ZNF488: variants seen among roughly 807,000 people sequenced by gnomAD.
ZNF488 encodes zinc finger protein 488.
In ZNF488, 1 loss-of-function variant was observed where a neutral mutation model predicts 1.2. The observed-to-expected ratio is 0.86, with a 90% CI of 0.30 to 4.07. The LOEUF (loss-of-function observed/expected upper bound fraction) is 4.07, where lower values mean the gene tolerates loss of function less well. Ranked by LOEUF, ZNF488 falls within the 30% of genes most tolerant of loss-of-function variation. The pLI, the probability that ZNF488 is intolerant of heterozygous loss-of-function variation, is 0.18. For synonymous variants in ZNF488, 185 were observed against 190.1 expected (o/e 0.97, Z 0.22); for missense variants, 450 against 437.9 (o/e 1.03, Z -0.25).
At chr10:47,379,189 A>C (rs782051013) in intron 1 of ZNF488, among the ~76,000 whole-genome samples, 2 of 152,250 alleles carry the variant, frequency 1.3e-5, no homozygotes, top group African/African-American at 4.8e-5. Flanking sequence ...AAGTATCTAC[A>C]TGACAAACAA....
intron 1 of ZNF488, among the ~76,000 whole-genome samples, chr10:47,371,946 G>A (rs1423649727): frequency 6.6e-6 from 1 of 152,134 alleles, no homozygotes; most frequent in Non-Finnish European, 1.5e-5. Flanking sequence ...CCCCTCCTCT[G>A]CCAAGCCTGG....
intron 1 of ZNF488, among the ~76,000 whole-genome samples, chr10:47,377,782 G>T (rs1040776884): frequency 4.0e-5 from 6 of 151,446 alleles, no homozygotes; most frequent in Admixed American, 6.6e-5. Flanking sequence ...AGCAGCAGCT[G>T]CCACATTCAC....
chr10:47,379,984 G>A (rs371528555), intron 1 of ZNF488, among the ~76,000 whole-genome samples: 19 of 152,408 alleles, frequency 1.2e-4, no homozygotes, highest in Admixed American at 2.6e-4. Flanking sequence ...TGTCCAGACC[G>A]CTGTGGGCAC....
chr10:47,368,254 C>T lies in ZNF488; in HGVS notation c.576G>A (p.Leu192=). Residue 192 remains leucine, a synonymous_variant, in exon 2 of 2, where the codon CTG becomes CTA. Coordinates refer to ENST00000585316, the MANE Select transcript of ZNF488 (RefSeq NM_153034.4). ...GGTCTGTAGTGTTGAGGAGTCCAGACAGCTCCCCCAGGGCATCTGCAGATT... is the reference window on the plus strand; with the variant it reads ...GGTCTGTAGTGTTGAGGAGTCCAGATAGCTCCCCCAGGGCATCTGCAGATT... ...AGESADALGE[L]SGLLNTTDLA... 1 of 1,614,234 alleles carries T rather than the reference C, an allele frequency of 6.2e-7. No homozygotes were observed. The highest frequency in any genetic ancestry group is 1.3e-5 in the African/African-American group (1 of 75,074).
At position 47,367,810 on chromosome 10, in the gene ZNF488, G is replaced by A; in HGVS notation, c.1020C>T (p.Ser340=). The A allele has an allele frequency of 6.2e-7, 1 of 1,608,116 alleles. No homozygotes were observed. The highest frequency in any genetic ancestry group is 1.1e-5 in the South Asian group (1 of 90,110). ...HHLSRHMTSH[S] ...CAGGTCATTCTGCGGTCACCTGCTA[G>A]CTGTGAGAAGTCATGTGCCGGGAGA... is the stretch of plus-strand genomic sequence containing the variant. Residue 340 remains serine (S), a synonymous_variant, in exon 2 of 2, where the codon AGC becomes AGT. Coordinates refer to ENST00000585316, the MANE Select transcript of ZNF488 (RefSeq NM_153034.4).
At chr10:47,373,637 G>C (rs1555214107) in intron 1 of ZNF488, among the ~76,000 whole-genome samples, 2 of 152,172 alleles carry the variant, frequency 1.3e-5, no homozygotes, top group East Asian at 3.8e-4. Context: ...CAAGGGACAG[G>C]AACAAAATGT....
chr10:47,370,052 G>A (rs531040944), intron 1 of ZNF488, among the ~76,000 whole-genome samples: 1 of 152,376 alleles, frequency 6.6e-6, no homozygotes, highest in South Asian at 2.1e-4. Context: ...CTCCCAAAGA[G>A]TGTGGAGACC....
intron 1 of ZNF488, among the ~76,000 whole-genome samples, chr10:47,371,501 A>T (rs1837465563): frequency 6.6e-6 from 1 of 152,196 alleles, no homozygotes; most frequent in Non-Finnish European, 1.5e-5. Flanking sequence ...ATACCATATA[A>T]TACACTATAT....
At chr10:47,380,116 TCTC>T (rs1189970885) in intron 1 of ZNF488, among the ~76,000 whole-genome samples, 2,291 of 148,682 alleles carry the variant, frequency 0.015, no homozygotes, top group Non-Finnish European at 0.024. Flanking sequence ...GGTCGTCAGC[TCTC>T]CTCAGTAGGT....
chr10:47,370,760 G>A (rs188724361), intron 1 of ZNF488, among the ~76,000 whole-genome samples: 28 of 152,308 alleles, frequency 1.8e-4, no homozygotes, highest in African/African-American at 6.0e-4. Flanking sequence ...AACGAATGCT[G>A]AGGAGGCAAA....
intron 1 of ZNF488, 33 bp from the exon 2 acceptor site, chr10:47,368,970 G>A: frequency 1.0e-6 from 1 of 982,700 alleles, no homozygotes; most frequent in Non-Finnish European, 1.5e-6. Context: ...GCAGTGAGAT[G>A]GGCATTCATC....
intron 1 of ZNF488, among the ~76,000 whole-genome samples, chr10:47,380,169 C>G (rs1483807687): frequency 6.6e-6 from 1 of 152,278 alleles, no homozygotes; most frequent in Non-Finnish European, 1.5e-5. Flanking sequence ...ACACTCTTTA[C>G]TGGCCCTCGT....
rs2132277695 is a variant in ZNF488 at position 47,368,876 on chromosome 10, A to T, written c.-47T>A. 6.5e-7 allele frequency: 1 copy of T among 1,534,392 alleles called. No homozygotes were observed. Among genetic ancestry groups the T allele is most frequent in the Non-Finnish European group, 8.7e-7 (1 of 1,143,494 alleles). On this transcript the variant is annotated 5_prime_UTR_variant, in exon 2 of 2. It adds an upstream start codon to the 5' untranslated region. Transcript: ENST00000585316. ...GGGTTCTGGAGGGCTTGGCCCAGCAAGGAGCCATGAGATATGGAAGCTCCC... is the reference window on the plus strand; with the variant it reads ...GGGTTCTGGAGGGCTTGGCCCAGCATGGAGCCATGAGATATGGAAGCTCCC...
intron 1 of ZNF488, among the ~76,000 whole-genome samples, chr10:47,373,883 C>T (rs1280143179): frequency 6.6e-6 from 1 of 152,234 alleles, no homozygotes; most frequent in African/African-American, 2.4e-5. Context: ...GCCCAGTGTA[C>T]CCTGAGAGAA....
In ZNF488 at chr10:47,368,191, C is replaced by A; in HGVS notation, c.639G>T (p.Leu213Phe). The change falls in exon 2 of 2, where the codon TTG (leucine) becomes TTT (phenylalanine). Residue 213 changes from leucine to phenylalanine, a missense_variant. Leu to Phe is a conservative substitution (Grantham distance 22, BLOSUM62 0). Transcript: ENST00000585316. ...CWGRLSTPKL[L>F]VGDLWNLQAL... The stretch of plus-strand genomic sequence containing the variant: ...CTTGCAAGTTCCACAAATCACCAAC[C>A]AAAAGCTTGGGAGTTGAAAGTCGAC... The A allele has an allele frequency of 6.2e-7, 1 of 1,614,178 alleles. No individual in the cohort carries two copies. Among genetic ancestry groups the A allele is most frequent in the Non-Finnish European group, 8.5e-7 (1 of 1,180,038 alleles).
intron 1 of ZNF488, among the ~76,000 whole-genome samples, chr10:47,370,314 C>T (rs2132281855): frequency 6.6e-6 from 1 of 152,372 alleles, no homozygotes; most frequent in Admixed American, 6.5e-5. Flanking sequence ...TAAAATCAAA[C>T]TATGAAGCTC....
chr10:47,375,811 T>C (rs1463046155), intron 1 of ZNF488, among the ~76,000 whole-genome samples: 7 of 152,178 alleles, frequency 4.6e-5, no homozygotes, highest in African/African-American at 1.7e-4. Flanking sequence ...GTACCCCATA[T>C]ACTTTCTAAT....
chr10:47,382,517 CA>C (rs1263101472), intron 1 of ZNF488, among the ~76,000 whole-genome samples: 4 of 152,074 alleles, frequency 2.6e-5, no homozygotes, highest in African/African-American at 2.4e-5. Context: ...ATCTGCCAAG[CA>C]AAGCAGACAC....
Position 47,367,750 on chromosome 10 carries a change from G to GC in ZNF488, c.*56dup, listed in dbSNP as rs1213519935. 1 of 1,548,342 alleles carries GC rather than the reference G, an allele frequency of 6.5e-7. No homozygotes were observed. Among genetic ancestry groups the GC allele is most frequent in the Non-Finnish European group, 8.7e-7 (1 of 1,147,552 alleles). ...AGCCCCCTCAACGCAGGCCCAGGGA[G>GC]CCCCCCTCTGCCAAAGGCTGGCTGC... On this transcript the variant is annotated 3_prime_UTR_variant, in exon 2 of 2. Transcript: ENST00000585316.
Sources: allele counts gnomAD v4.1 joint callset (sites outside exome capture counted in the v4.1 genomes callset), GRCh38; gene constraint gnomAD v4.1.1; transcripts MANE v1.5; gene names NCBI Gene and HGNC (gene_info 2026-07-23, HGNC 2026-07-21).